The following SS18 variants were observed in gnomAD, a reference collection of about 807,000 sequenced individuals.
The protein encoded by SS18 is SS18 subunit of BAF chromatin remodeling complex.
Under a neutral mutation model 72.5 loss-of-function variants are expected in SS18, and 28 were observed. The ratio of observed to expected loss-of-function variants is 0.39; its 90% CI spans 0.29 to 0.53. SS18 has a LOEUF of 0.53. SS18 is among the 20% of genes least tolerant of loss of function. SS18 has a pLI of 0.76. For missense variants in SS18, 518 were observed against 535.3 expected (o/e 0.97, Z 0.32); for synonymous variants, 172 against 164.2 (o/e 1.05, Z -0.37).
intron 10 of SS18, among the ~76,000 whole-genome samples, chr18:26,029,809 C>G (rs1217842193): frequency 6.6e-6 from 1 of 152,298 alleles, no homozygotes; most frequent in Non-Finnish European, 1.5e-5. Context: ...CGTGAACGAA[C>G]TATTTTTCCT....
At chr18:26,054,606 G>A (rs2053982638) in intron 4 of SS18, among the ~76,000 whole-genome samples, 1 of 151,808 alleles carries the variant, frequency 6.6e-6, no homozygotes, top group South Asian at 2.1e-4. Context: ...ATAAAATAAT[G>A]GTCTCCAAGA....
At chr18:26,057,093 T>TA (rs1311521909) in intron 4 of SS18, among the ~76,000 whole-genome samples, 5 of 152,160 alleles carry the variant, frequency 3.3e-5, no homozygotes, top group Non-Finnish European at 7.4e-5. Context: ...ACCTATGTAT[T>TA]AAAAAAATTT....
chr18:26,021,730 G>GAA (rs1376805545), intron 10 of SS18, among the ~76,000 whole-genome samples: 5 of 152,164 alleles, frequency 3.3e-5, no homozygotes, highest in African/African-American at 1.2e-4. Context: ...GACAAGGGAG[G>GAA]AAAAGCAGGG....
intron 10 of SS18, among the ~76,000 whole-genome samples, chr18:26,018,767 G>A (rs757786868): frequency 2.3e-4 from 35 of 152,136 alleles, no homozygotes; most frequent in Non-Finnish European, 3.7e-4. Context: ...ACAACTTTGT[G>A]AGTGTTTAGC....
rs376430167 is a variant in SS18 at position 26,016,568 on chromosome 18, C to A, written c.*1786G>T. The A allele has an allele frequency of 3.6e-4, 65 of 182,676 alleles. No individual in the cohort carries two copies. The highest frequency in any genetic ancestry group is 1.5e-3 in the African/African-American group (62 of 42,650). The allele number at this position is 182,676 out of a possible 1,614,324, so 11.3% of individuals were successfully genotyped here. A position where few individuals can be genotyped will look rare whatever the true frequency, so the allele number is the denominator to read the frequency against. ...CGAAACCTCGTCTCTACTAAAAGTA[C>A]AAAAATTAGCTGGGTGTGGTGGCGG... On this transcript the variant is annotated 3_prime_UTR_variant, in exon 11 of 11. Transcript: ENST00000415083.
chr18:26,048,091 A>G (rs570107488), intron 5 of SS18, among the ~76,000 whole-genome samples: 3 of 152,368 alleles, frequency 2.0e-5, no homozygotes, highest in South Asian at 4.1e-4. Context: ...GTTTTCCGCT[A>G]TATATTTAGC....
At chr18:26,018,724 T>C (rs1346315213) in intron 10 of SS18, among the ~76,000 whole-genome samples, 1 of 152,208 alleles carries the variant, frequency 6.6e-6, no homozygotes, top group Non-Finnish European at 1.5e-5. Flanking sequence ...TGATGTAATA[T>C]ATATATTAGG....
intron 2 of SS18, among the ~76,000 whole-genome samples, chr18:26,083,403 A>T (rs937978986): frequency 6.6e-6 from 1 of 152,176 alleles, no homozygotes; most frequent in African/African-American, 2.4e-5. Flanking sequence ...GTTATTCATC[A>T]CTTAACAATG....
rs966850742 is a variant in SS18, at chr18:26,088,115, A to G, written c.70-538T>C. ...TTTGGAATGATATCGTGTTTAATCA[A>G]TAATGTTTTAATATTCCAATTATTC... On this transcript the variant is annotated intron_variant, in intron 1 of 10. Transcript: ENST00000415083. Among the ~76,000 whole-genome samples the G allele has an allele frequency of 3.9e-5, 6 of 152,348 alleles. No homozygotes were observed. The East Asian group carries it at 1.2e-3, about 29-fold the overall frequency.
intron 3 of SS18, among the ~76,000 whole-genome samples, chr18:26,077,187 C>T (rs1382386137): frequency 6.6e-6 from 1 of 151,922 alleles, no homozygotes; most frequent in Non-Finnish European, 1.5e-5. Context: ...AGGCTGGTAT[C>T]AAGTATACCC....
rs556099170 is a variant in SS18, at chr18:26,026,432, G to C, written c.1230+5967C>G. On this transcript the variant is annotated intron_variant, in intron 10 of 10. Coordinates refer to ENST00000415083, the MANE Select transcript of SS18 (RefSeq NM_001007559.3). ...CTCAATAGATAAGGAAAAATCATGT[G>C]ACAAAATTCAACATTCATTCCCAAT... Among the ~76,000 whole-genome samples the C allele has an allele frequency of 4.6e-5, 7 of 152,176 alleles. No individual in the cohort carries two copies. The South Asian group carries it at 1.5e-3, about 32-fold the overall frequency.
Position 26,035,964 on chromosome 18 carries a change from C to G in SS18, c.881-41G>C, listed in dbSNP as rs763831615. ...AAGAGACAGGAAGAAACGTTAATGG[C>G]CACTGAGTGAAAACCCTAAAAATAT... On this transcript the variant is annotated intron_variant, in intron 7 of 10. Coordinates refer to ENST00000415083, the MANE Select transcript of SS18 (RefSeq NM_001007559.3). This position sits in a 1 kb window ranked among gnomAD's most constrained non-coding sequence, Gnocchi z 4.4. The G allele has an allele frequency of 3.9e-6, 5 of 1,273,964 alleles. No homozygotes were observed. The East Asian group carries it at 1.2e-4, about 31-fold the overall frequency. 78.9% of individuals were successfully genotyped at this position (1,273,964 alleles called of 1,614,324 possible).
intron 10 of SS18, among the ~76,000 whole-genome samples, chr18:26,026,286 A>G (rs2053446297): frequency 6.6e-6 from 1 of 152,190 alleles, no homozygotes; most frequent in Non-Finnish European, 1.5e-5. Context: ...AACCCAATAT[A>G]TAAAAAGGAT....
intron 10 of SS18, among the ~76,000 whole-genome samples, chr18:26,028,864 A>T (rs111991970): frequency 0.015 from 2,328 of 152,320 alleles, 63 homozygotes; most frequent in African/African-American, 0.053. Flanking sequence ...TATACGTGTC[A>T]AAAAAGATCA....
At chr18:26,056,939 T>C (rs1472415425) in intron 4 of SS18, among the ~76,000 whole-genome samples, 4 of 152,200 alleles carry the variant, frequency 2.6e-5, no homozygotes, top group Non-Finnish European at 5.9e-5. Flanking sequence ...TCTTAAAACA[T>C]ATCAACCTAG....
Position 26,032,415 on chromosome 18 carries a change from G to A in SS18, c.1214C>T (p.Pro405Leu). The change falls in exon 10 of 11, where the codon CCT becomes CTT. Residue 405 changes from proline to leucine, a missense_variant. By Grantham distance (98) the Pro-to-Leu change is moderately conservative (BLOSUM62 -3). Coordinates refer to ENST00000415083, the MANE Select transcript of SS18 (RefSeq NM_001007559.3). ...PGPPQPPQQR[P>L]YGYDQGQYGN... Reference sequence around the variant, plus strand: ...ACTACTTACCTGGTCATATCCATAAGGCCTCTGCTGGGGTGGCTGTGGTGG... The same window carrying A: ...ACTACTTACCTGGTCATATCCATAAAGCCTCTGCTGGGGTGGCTGTGGTGG... 1 of 1,613,776 alleles carries A rather than the reference G, an allele frequency of 6.2e-7. No individual in the cohort carries two copies. Among genetic ancestry groups the A allele is most frequent in the Non-Finnish European group, 8.5e-7 (1 of 1,179,794 alleles).
chr18:26,018,454 A>G, intron 10 of SS18, 74 bp from the exon 11 acceptor site: 2 of 1,194,790 alleles, frequency 1.7e-6, no homozygotes, highest in South Asian at 1.4e-5. Flanking sequence ...CAAACGAATC[A>G]TTTCTAACAC....
At chr18:26,090,260 T>C in intron 1 of SS18, 1 of 536,396 alleles carries the variant, frequency 1.9e-6, no homozygotes, top group Non-Finnish European at 3.3e-6. Flanking sequence ...GCGGCGGCTG[T>C]TTGGGCTTTT....
At position 26,022,240 on chromosome 18, in the gene SS18, T is replaced by C. The variant is rs76200931; in HGVS notation, c.1231-3860A>G. Among the ~76,000 whole-genome samples, 517 of 152,328 alleles carry C rather than the reference T, an allele frequency of 3.4e-3. 5 individuals carry two copies. Among genetic ancestry groups the C allele is most frequent in the East Asian group, 0.034 (174 of 5,188 alleles). ...TCACCAATATTTACTGATTATGTGC[T>C]GTGCTCTACTAGGTGACAGAGACTC... On this transcript the variant is annotated intron_variant, in intron 10 of 10. Coordinates refer to ENST00000415083, the MANE Select transcript of SS18 (RefSeq NM_001007559.3).
Sources: gnomAD v4.1 joint callset for allele counts (sites outside exome capture counted in the v4.1 genomes callset) on GRCh38, gnomAD v4.1.1 for gene constraint, Gnocchi (gnomAD v3.1) non-coding constraint, MANE v1.5 for transcripts, NCBI Gene and HGNC (gene_info 2026-07-23, HGNC 2026-07-21) for gene names.